The following ZNF277 variants were observed in gnomAD, a reference collection of about 807,000 sequenced individuals.
ZNF277 encodes nuclear receptor-interacting factor 4.
A neutral mutation model predicts 60.7 loss-of-function variants in ZNF277; 55 were observed. The observed-to-expected ratio is 0.91, with a 90% CI of 0.73 to 1.13. The LOEUF (loss-of-function observed/expected upper bound fraction) is 1.13, where lower values mean the gene tolerates loss of function less well. Ranked by LOEUF, ZNF277 falls within the 50% of genes most tolerant of loss-of-function variation. The probability of loss-of-function intolerance (pLI) is 0.00; values close to 1 mark genes in which losing one functional copy is unlikely to be tolerated. For missense variants in ZNF277, 510 were observed against 523.0 expected (o/e 0.98, Z 0.24); for synonymous variants, 178 against 179.3 (o/e 0.99, Z 0.06).
chr7:112,231,784 A>G (rs1822338111), intron 1 of ZNF277, among the ~76,000 whole-genome samples: 1 of 151,988 alleles, frequency 6.6e-6, no homozygotes, highest in Non-Finnish European at 1.5e-5. Context: ...TATCAACACA[A>G]CCACGGAACT....
Position 112,327,515 on chromosome 7 carries a change from T to C in ZNF277, c.558-202T>C, listed in dbSNP as rs181593547. On this transcript the variant is annotated intron_variant, in intron 5 of 11. Transcript: ENST00000361822. ...AAGCAGCAGATAGTAGAACAAACTT[T>C]GGTATCCCTTTACAGAACTGATGTG... 3.6e-4 allele frequency among the ~76,000 whole-genome samples: 55 copies of C among 152,356 alleles called. No homozygotes were observed. The East Asian group carries it at 7.5e-3, about 21-fold the overall frequency.
chr7:112,286,604 C>T (rs1231663457), intron 1 of ZNF277, among the ~76,000 whole-genome samples: 1 of 152,162 alleles, frequency 6.6e-6, no homozygotes, highest in African/African-American at 2.4e-5. Flanking sequence ...AAGGCTTGAA[C>T]AGCTGCCCTG....
intron 11 of ZNF277, 51 bp from the exon 12 acceptor site, chr7:112,342,510 A>C (rs1295180403): frequency 7.1e-7 from 1 of 1,400,030 alleles, no homozygotes; most frequent in Non-Finnish European, 9.5e-7. Context: ...AGCTACCTGG[A>C]CACTGTATTA....
chr7:112,232,710 A>G (rs1822372802), intron 1 of ZNF277, among the ~76,000 whole-genome samples: 1 of 152,118 alleles, frequency 6.6e-6, no homozygotes, highest in South Asian at 2.1e-4. Context: ...GCAGTGTCTA[A>G]GTCAAAAATA....
intron 1 of ZNF277, among the ~76,000 whole-genome samples, chr7:112,268,240 G>A (rs1026746701): frequency 6.6e-6 from 1 of 151,482 alleles, no homozygotes; most frequent in African/African-American, 2.4e-5. Context: ...TATACCATAT[G>A]CCTGCATGCA....
intron 4 of ZNF277, among the ~76,000 whole-genome samples, chr7:112,305,190 A>G (rs1033023968): frequency 4.6e-5 from 7 of 152,106 alleles, no homozygotes; most frequent in Admixed American, 4.6e-4. Context: ...TCAGGAGACC[A>G]GGCTCGGTAA....
At chr7:112,213,942 T>C (rs1821817357) in intron 1 of ZNF277, among the ~76,000 whole-genome samples, 1 of 152,218 alleles carries the variant, frequency 6.6e-6, no homozygotes. Context: ...GGTGAGATGA[T>C]ATAATAGTCT....
At position 112,251,069 on chromosome 7, in the gene ZNF277, G is replaced by C. The variant is rs545017006; in HGVS notation, c.92-35804G>C. 2.0e-5 allele frequency among the ~76,000 whole-genome samples: 3 copies of C among 151,792 alleles called. No individual in the cohort carries two copies. In the East Asian group the frequency reaches 5.8e-4, roughly 29 times the overall value. Reference sequence around the variant, plus strand: ...CATATTCCTCAGGTCCTTTTTCTTTGCATTTCTTGTTTCTTCCTCTCTTCC... The same window carrying C: ...CATATTCCTCAGGTCCTTTTTCTTTCCATTTCTTGTTTCTTCCTCTCTTCC... On this transcript the variant is annotated intron_variant, in intron 1 of 11. Transcript: ENST00000361822.
intron 4 of ZNF277, among the ~76,000 whole-genome samples, chr7:112,299,386 A>G (rs1328420042): frequency 6.6e-6 from 1 of 152,216 alleles, no homozygotes; most frequent in East Asian, 1.9e-4. Flanking sequence ...TGGTGGCAAG[A>G]ATGTTAAGAG....
chr7:112,210,466 TTTTTTTTTTTTG>T (rs1239029979), intron 1 of ZNF277, among the ~76,000 whole-genome samples: 1 of 8,268 alleles, frequency 1.2e-4, no homozygotes, highest in African/African-American at 2.8e-4. Flanking sequence ...TTGTTTTTTG[TTTTTTTTTTTTG>T]TTTTTTTTTT....
At chr7:112,246,015 T>G (rs1791073776) in intron 1 of ZNF277, among the ~76,000 whole-genome samples, 1 of 152,196 alleles carries the variant, frequency 6.6e-6, no homozygotes, top group Non-Finnish European at 1.5e-5. Context: ...CTGTTTTCCT[T>G]CTTTGCCCCT....
intron 5 of ZNF277, among the ~76,000 whole-genome samples, chr7:112,318,499 A>G (rs1046377246): frequency 6.6e-6 from 1 of 152,126 alleles, no homozygotes; most frequent in African/African-American, 2.4e-5. Context: ...TTTATGTTTA[A>G]TATTACAGGA....
chr7:112,257,887 C>G (rs1474222970), intron 1 of ZNF277, among the ~76,000 whole-genome samples: 1 of 151,922 alleles, frequency 6.6e-6, no homozygotes, highest in Admixed American at 6.6e-5. Context: ...ATTCGTAACT[C>G]ACAGCAACCC....
intron 4 of ZNF277, among the ~76,000 whole-genome samples, chr7:112,296,854 A>T (rs933643805): frequency 1.7e-4 from 25 of 148,790 alleles, no homozygotes; most frequent in African/African-American, 5.9e-4. Context: ...TACAAGCATG[A>T]AAATTTTTAT....
intron 6 of ZNF277, chr7:112,328,054 T>C (rs1584414574): frequency 5.3e-6 from 2 of 379,694 alleles, no homozygotes; most frequent in East Asian, 1.1e-4. Context: ...AATATACATA[T>C]CATACAATGT....
At chr7:112,288,077 C>A (rs1275624766) in intron 2 of ZNF277, 1 of 152,126 alleles carries the variant, frequency 6.6e-6, no homozygotes, top group Non-Finnish European at 1.5e-5. Flanking sequence ...GACTTGGCAA[C>A]AGGACACTCA....
chr7:112,280,701 C>T (rs1432718131), intron 1 of ZNF277, among the ~76,000 whole-genome samples: 1 of 151,994 alleles, frequency 6.6e-6, no homozygotes, highest in Non-Finnish European at 1.5e-5. Flanking sequence ...TCTCAGCTCA[C>T]TGCAACTTCT....
intron 4 of ZNF277, among the ~76,000 whole-genome samples, chr7:112,297,243 G>A (rs10238839): frequency 0.059 from 8,994 of 151,816 alleles, 710 homozygotes; most frequent in African/African-American, 0.18. Context: ...TTTTATTTTC[G>A]TAAGTTAATC....
chr7:112,224,098 G>C (rs539423349), intron 1 of ZNF277, among the ~76,000 whole-genome samples: 30 of 152,210 alleles, frequency 2.0e-4, no homozygotes, highest in Non-Finnish European at 4.0e-4. Flanking sequence ...ATACAGAGAA[G>C]TAGAGAGATC....
Sources: gnomAD v4.1 joint callset for allele counts (sites outside exome capture counted in the v4.1 genomes callset) on GRCh38, gnomAD v4.1.1 for gene constraint, MANE v1.5 for transcripts, NCBI Gene and HGNC (gene_info 2026-07-23, HGNC 2026-07-21) for gene names.